The following MS4A7 variants were observed in gnomAD, a reference collection of about 807,000 sequenced individuals.
MS4A7 encodes the protein membrane-spanning 4-domains subfamily A member 7.
Under a neutral mutation model 23.5 loss-of-function variants are expected in MS4A7, and 21 were observed. The observed-to-expected ratio is 0.89, with a 90% confidence interval of 0.63 to 1.29. The LOEUF (loss-of-function observed/expected upper bound fraction) is 1.29. MS4A7 is among the 50% of genes most tolerant of loss of function. The pLI is 0.00. For missense variants in MS4A7, 263 were observed against 274.2 expected, an observed-to-expected ratio of 0.96 and a Z score of 0.29; for synonymous variants, 111 against 107.4, an observed-to-expected ratio of 1.03 and a Z score of -0.21.
At chr11:60,385,280 T>C (rs2085473981) in intron 3 of MS4A7, 58 bp downstream of exon 3, 1 of 1,604,556 alleles carries the variant, frequency 6.2e-7, no homozygotes, top group South Asian at 1.1e-5. Flanking sequence ...ACCAGGTGCA[T>C]AGTCGTGGAG....
intron 1 of MS4A7, among the ~76,000 whole-genome samples, chr11:60,382,308 C>G (rs1401802156): frequency 6.6e-6 from 1 of 152,176 alleles, no homozygotes; most frequent in Non-Finnish European, 1.5e-5. Context: ...GCGTCTGAGC[C>G]AGACAAGTCT....
intron 5 of MS4A7, among the ~76,000 whole-genome samples, chr11:60,391,821 A>G (rs527990448): frequency 6.0e-4 from 91 of 151,910 alleles, no homozygotes; most frequent in Non-Finnish European, 1.1e-3. Flanking sequence ...TGGGAGGCTG[A>G]GGCAGGGGAA....
intron 1 of MS4A7, among the ~76,000 whole-genome samples, chr11:60,381,380 G>C (rs2085426624): frequency 6.6e-6 from 1 of 152,158 alleles, no homozygotes; most frequent in Non-Finnish European, 1.5e-5. Flanking sequence ...TTCAGATAAA[G>C]TATCTCATGC....
At position 60,394,746 on chromosome 11, in the gene MS4A7, GAGC is replaced by G. The variant is rs1420555840; in HGVS notation, c.*886_*888del. 5 of 258,694 alleles carry G rather than the reference GAGC, an allele frequency of 1.9e-5. No homozygotes were observed. Among genetic ancestry groups the G allele is most frequent in the Non-Finnish European group, 3.5e-5 (5 of 141,318 alleles). 16.0% of individuals were successfully genotyped at this position (258,694 alleles called of 1,614,324 possible). A position where few individuals can be genotyped will look rare whatever the true frequency, so the allele number is the denominator to read the frequency against. On this transcript the variant is annotated 3_prime_UTR_variant, in exon 7 of 7. Transcript: ENST00000300184. ...GAACCCGGGAAGGGGAGGTTGCAGT[GAGC>G]GGAGACTGCACCACTGCATTCCAGC...
In MS4A7 at chr11:60,390,075, G is replaced by A. The variant is rs1056482701; in HGVS notation, c.546+479G>A. 9.0e-5 allele frequency: 16 copies of A among 176,812 alleles called. No homozygotes were observed. The South Asian group carries it at 1.7e-3, about 18-fold the overall frequency. 11.0% of individuals were successfully genotyped at this position (176,812 alleles called of 1,614,324 possible). On this transcript the variant is annotated intron_variant, in intron 5 of 6. Transcript: ENST00000300184. ...AATTGAGGACTAGCAGAGGCTGTAC[G>A]GTGTTTAAGTTAATCTTCAAATGCA...
intron 5 of MS4A7, among the ~76,000 whole-genome samples, chr11:60,390,757 A>G (rs1368044565): frequency 6.6e-6 from 1 of 152,194 alleles, no homozygotes; most frequent in Admixed American, 6.5e-5. Context: ...AGAACTTCCT[A>G]CAATATGAGA....
intron 1 of MS4A7, among the ~76,000 whole-genome samples, chr11:60,380,589 A>G (rs2085418131): frequency 6.6e-6 from 1 of 152,246 alleles, no homozygotes; most frequent in Non-Finnish European, 1.5e-5. Flanking sequence ...TGCAGTCCTT[A>G]GGTATGAGAT....
intron 1 of MS4A7, among the ~76,000 whole-genome samples, chr11:60,380,516 A>G (rs2085417366): frequency 6.6e-6 from 1 of 152,264 alleles, no homozygotes; most frequent in African/African-American, 2.4e-5. Context: ...CAGATAGGCT[A>G]TAGCCTGAAA....
At chr11:60,387,346 C>T (rs1400717547) in intron 4 of MS4A7, among the ~76,000 whole-genome samples, 5 of 152,162 alleles carry the variant, frequency 3.3e-5, no homozygotes, top group Non-Finnish European at 7.3e-5. Context: ...GTTTACCCTA[C>T]TCTGTGACCG....
Position 60,392,777 on chromosome 11 carries a change from C to A in MS4A7, c.639C>A (p.Asn213Lys), listed in dbSNP as rs1211649619. 11 of 1,612,076 alleles carry A rather than the reference C, an allele frequency of 6.8e-6. No individual in the cohort carries two copies. Among genetic ancestry groups the A allele is most frequent in the Non-Finnish European group, 8.5e-6 (10 of 1,178,292 alleles). Residue 213 changes from asparagine to lysine, a missense_variant, in exon 6 of 7, where the codon AAC becomes AAA. Coordinates refer to ENST00000300184, the MANE Select transcript of MS4A7 (RefSeq NM_021201.5). ...SVFWWKQLYS[N>K]NPGSSFSSTQ... Reference sequence around the variant, plus strand: ...TTTGGTGGAAACAGCTCTACTCCAACAACCCTGGGGTGAGTATGCTGACAT... The same window carrying A: ...TTTGGTGGAAACAGCTCTACTCCAAAAACCCTGGGGTGAGTATGCTGACAT...
chr11:60,391,877 C>T (rs1333198242), intron 5 of MS4A7, among the ~76,000 whole-genome samples: 2 of 145,630 alleles, frequency 1.4e-5, no homozygotes, highest in Non-Finnish European at 3.0e-5. Context: ...TGAGATCACA[C>T]CATTGCACTC....
rs755741476 is a variant in MS4A7, at chr11:60,392,687, T to C, written c.549T>C (p.Gly183=). 6 of 1,612,736 alleles carry C rather than the reference T, an allele frequency of 3.7e-6. No individual in the cohort carries two copies. Among genetic ancestry groups the C allele is most frequent in the Non-Finnish European group, 5.1e-6 (6 of 1,179,198 alleles). The change falls in exon 6 of 7, where the codon GGT becomes GGC. Residue 183 remains glycine, a splice_region_variant and synonymous_variant. Transcript: ENST00000300184. ...GCCATTCATGTCCTGATTTGCAGGG[T>C]GTCCTAGTGGTGATGCTCATCTTCA... is the stretch of plus-strand genomic sequence containing the variant. The part of the protein sequence containing the change: ...DCLLTSVSLT[G]VLVVMLIFTV...
chr11:60,384,522 C>T (rs955306497), intron 2 of MS4A7, among the ~76,000 whole-genome samples: 2 of 152,166 alleles, frequency 1.3e-5, no homozygotes, highest in Non-Finnish European at 2.9e-5. Flanking sequence ...TGGTTGACTT[C>T]TTTTTTTATT....
At chr11:60,383,492 C>G (rs1590791081) in intron 2 of MS4A7, 2 of 371,626 alleles carry the variant, frequency 5.4e-6, no homozygotes, top group East Asian at 8.3e-5. Flanking sequence ...ATCTTTTTCA[C>G]TAGCATGCTT....
chr11:60,380,643 C>T (rs943612447), intron 1 of MS4A7, among the ~76,000 whole-genome samples: 7 of 152,154 alleles, frequency 4.6e-5, no homozygotes, highest in African/African-American at 9.7e-5. Flanking sequence ...AGGCTGGTGA[C>T]GAAGACTAGT....
intron 4 of MS4A7, among the ~76,000 whole-genome samples, chr11:60,387,941 C>T (rs534214230): frequency 5.3e-5 from 8 of 152,338 alleles, no homozygotes; most frequent in African/African-American, 7.2e-5. Context: ...CATAGCATGA[C>T]GATTCACTAG....
In MS4A7 at chr11:60,394,945, G is replaced by T. The variant is rs373480346; in HGVS notation, c.*1084G>T. On this transcript the variant is annotated 3_prime_UTR_variant, in exon 7 of 7. Transcript: ENST00000300184. ...AACTATGTTCTCTTCTGTCATTTCA[G>T]GGTAGGAGTCAATGAAGACATCTTA... 5.5e-4 allele frequency: 362 copies of T among 661,206 alleles called. 8 individuals are homozygous for T. The South Asian group carries it at 5.9e-3, about 11-fold the overall frequency. The allele number at this position is 661,206 out of a possible 1,614,324, so 41.0% of individuals were successfully genotyped here. A position where few individuals can be genotyped will look rare whatever the true frequency, so the allele number is the denominator to read the frequency against.
intron 3 of MS4A7, among the ~76,000 whole-genome samples, chr11:60,386,306 C>T (rs570800839): frequency 1.3e-5 from 2 of 152,328 alleles, no homozygotes; most frequent in South Asian, 4.1e-4. Context: ...TGTGTTTCTG[C>T]ACCTTGTCCC....
chr11:60,380,244 T>G (rs77447725), intron 1 of MS4A7, among the ~76,000 whole-genome samples: 7,079 of 152,284 alleles, frequency 0.046, 550 homozygotes, highest in African/African-American at 0.16. Context: ...TAAAATGGCA[T>G]GGATAGAATG....
Sources: allele counts gnomAD v4.1 joint callset (sites outside exome capture counted in the v4.1 genomes callset), GRCh38; gene constraint gnomAD v4.1.1; transcripts MANE v1.5; gene names NCBI Gene and HGNC (gene_info 2026-07-23, HGNC 2026-07-21).